Variants in MYO1E observed in about 807,000 individuals in gnomAD.
MYO1E encodes unconventional myosin-Ie.
MYO1E carries 68 observed loss-of-function variants against 151.1 expected under a neutral mutation model. That is an observed-to-expected ratio of 0.45 (90% CI 0.37 to 0.55). MYO1E has a LOEUF of 0.55. MYO1E is among the 20% of genes least tolerant of loss of function. MYO1E has a pLI of 0.00. For synonymous variants in MYO1E, 601 were observed against 501.7 expected (o/e 1.20, Z -2.64); for missense variants, 1,363 against 1,389.3 (o/e 0.98, Z 0.30).
intron 14 of MYO1E, 91 bp downstream of exon 14, chr15:59,208,590 A>G (rs1346328366): frequency 5.9e-5 from 87 of 1,471,178 alleles, no homozygotes; most frequent in Non-Finnish European, 8.0e-5. Flanking sequence ...TCAATAAAAT[A>G]CGGCGAGCCA....
At chr15:59,152,744 G>A (rs1454159725) in intron 26 of MYO1E, among the ~76,000 whole-genome samples, 7 of 152,162 alleles carry the variant, frequency 4.6e-5, no homozygotes, top group Non-Finnish European at 7.4e-5. Context: ...CAAACAGCAG[G>A]TCCAGTGTTA....
rs76816978 is a variant in MYO1E, at chr15:59,159,374, G to A, written c.2786-995C>T. On this transcript the variant is annotated intron_variant, in intron 24 of 27. Transcript: ENST00000288235. The surrounding 1 kb of genome is among the most constrained non-coding windows in gnomAD (Gnocchi z 4.4). Reference sequence around the variant, plus strand: ...GGTTATTTGCAGCCTTTCTTTGCCCGGCTCTGTGCCCTGGGGTCTGAGTCC... The same window carrying A: ...GGTTATTTGCAGCCTTTCTTTGCCCAGCTCTGTGCCCTGGGGTCTGAGTCC... 1.5e-3 allele frequency among the ~76,000 whole-genome samples: 232 copies of A among 152,334 alleles called. 4 individuals are homozygous for A. In the East Asian group the frequency reaches 0.033, roughly 22 times the overall value.
At chr15:59,297,979 C>T (rs2414632) in intron 1 of MYO1E, among the ~76,000 whole-genome samples, 152,009 of 152,364 alleles carry the variant, frequency 1, 75,829 homozygotes, top group Middle Eastern at 1. Context: ...ATTCATCTTT[C>T]ACATTTTTGA....
At chr15:59,318,812 T>C (rs1320139749) in intron 1 of MYO1E, among the ~76,000 whole-genome samples, 1 of 152,184 alleles carries the variant, frequency 6.6e-6, no homozygotes. Flanking sequence ...ATTTTAAAGA[T>C]GAGGAAAATG....
At chr15:59,174,767 C>G (rs1425000531) in intron 19 of MYO1E, among the ~76,000 whole-genome samples, 8 of 152,056 alleles carry the variant, frequency 5.3e-5, no homozygotes. Flanking sequence ...TCAGGATTCA[C>G]CAATCTCAGG....
At chr15:59,311,284 C>T (rs543802083) in intron 1 of MYO1E, among the ~76,000 whole-genome samples, 1 of 152,214 alleles carries the variant, frequency 6.6e-6, no homozygotes, top group Admixed American at 6.5e-5. Flanking sequence ...CACCTCACAT[C>T]ATCAGGCATT....
At chr15:59,314,002 C>A (rs2140412593) in intron 1 of MYO1E, among the ~76,000 whole-genome samples, 1 of 152,380 alleles carries the variant, frequency 6.6e-6, no homozygotes, top group East Asian at 1.9e-4. Context: ...ACCTGCTCTG[C>A]AAACACAAGT....
At position 59,217,957 on chromosome 15, in the gene MYO1E, C is replaced by T; in HGVS notation, c.1041G>A (p.Gln347=). 1.2e-6 allele frequency: 2 copies of T among 1,614,234 alleles called. No individual in the cohort carries two copies. Among genetic ancestry groups the T allele is most frequent in the East Asian group, 4.5e-5 (2 of 44,888 alleles). ...CGAGCGCATCCCGGGTGTAACAGGC[C>T]TGCTCTACGTTGAGGGTCACGTGGA... is the stretch of plus-strand genomic sequence containing the variant. ...ESIHVTLNVE[Q]ACYTRDALAK... is the part of the protein sequence containing the mutation. Residue 347 remains glutamine, a synonymous_variant, in exon 10 of 28, where the codon CAG becomes CAA. Coordinates refer to ENST00000288235, the MANE Select transcript of MYO1E (RefSeq NM_004998.4).
At chr15:59,305,320 A>G (rs111806483) in intron 1 of MYO1E, among the ~76,000 whole-genome samples, 3,062 of 152,154 alleles carry the variant, frequency 0.02, 104 homozygotes, top group African/African-American at 0.067. Flanking sequence ...CGGCCTTCTG[A>G]GTAGTTGGGA....
At chr15:59,347,031 G>T (rs1157851397) in intron 1 of MYO1E, among the ~76,000 whole-genome samples, 1 of 152,186 alleles carries the variant, frequency 6.6e-6, no homozygotes, top group Non-Finnish European at 1.5e-5. Context: ...TGGGTATAAG[G>T]CATCAGTTAC....
chr15:59,276,421 G>A (rs777905057), intron 1 of MYO1E, among the ~76,000 whole-genome samples: 1 of 152,170 alleles, frequency 6.6e-6, no homozygotes, highest in Non-Finnish European at 1.5e-5. Context: ...AAAGGGAGGA[G>A]GGCAGTGGCG....
At chr15:59,207,833 C>G in intron 14 of MYO1E, 1 of 1,614,194 alleles carries the variant, frequency 6.2e-7, no homozygotes, top group Non-Finnish European at 8.5e-7. Flanking sequence ...GGTTATACTT[C>G]TTGGGCCATT....
intron 18 of MYO1E, among the ~76,000 whole-genome samples, chr15:59,180,737 G>A (rs374770743): frequency 1.3e-5 from 2 of 152,002 alleles, no homozygotes; most frequent in African/African-American, 4.8e-5. Flanking sequence ...AACAACACAT[G>A]TTCTCCTACC....
chr15:59,313,394 T>C (rs78609087), intron 1 of MYO1E, among the ~76,000 whole-genome samples: 1,974 of 152,212 alleles, frequency 0.013, 41 homozygotes, highest in African/African-American at 0.045. Context: ...TCTGATGTCA[T>C]GGTTCTATGG....
intron 1 of MYO1E, among the ~76,000 whole-genome samples, chr15:59,284,330 C>A (rs1275166683): frequency 6.6e-6 from 1 of 152,214 alleles, no homozygotes; most frequent in Non-Finnish European, 1.5e-5. Flanking sequence ...CTATTTGCCC[C>A]CAACTCAGGA....
At chr15:59,221,844 A>G (rs189228920) in intron 9 of MYO1E, among the ~76,000 whole-genome samples, 26 of 152,354 alleles carry the variant, frequency 1.7e-4, no homozygotes, top group Non-Finnish European at 3.2e-4. Flanking sequence ...TTATTTTACT[A>G]TCCAAGAAGG....
chr15:59,172,017 G>A lies in MYO1E; in HGVS notation c.2360C>T (p.Thr787Ile), dbSNP rs200403204. Residue 787 changes from threonine (T) to isoleucine (I), a missense_variant, in exon 22 of 28, where the codon ACC (threonine) becomes ATC (isoleucine). By Grantham distance (89) the Thr-to-Ile change is moderately conservative (BLOSUM62 -1). Transcript: ENST00000288235. ...TCCGATTAAGTACAAGCACTTTGGGGTAAGGAGCAGGTCTCGCTTTACACC... is the reference window on the plus strand; with the variant it reads ...TCCGATTAAGTACAAGCACTTTGGGATAAGGAGCAGGTCTCGCTTTACACC... ...FKGVKRDLLL[T>I]PKCLYLIGRE... is the part of the protein sequence containing the mutation. The A allele has an allele frequency of 1.2e-6, 2 of 1,614,194 alleles. No homozygotes were observed. The highest frequency in any genetic ancestry group is 2.2e-5 in the East Asian group (1 of 44,884).
chr15:59,198,845 C>G (rs2079784163), intron 16 of MYO1E, among the ~76,000 whole-genome samples: 1 of 149,458 alleles, frequency 6.7e-6, no homozygotes, highest in Non-Finnish European at 1.5e-5. Flanking sequence ...AAAAAACAAA[C>G]CAAAAAAACC....
intron 26 of MYO1E, among the ~76,000 whole-genome samples, chr15:59,150,538 C>T (rs1178869241): frequency 6.6e-6 from 1 of 152,202 alleles, no homozygotes; most frequent in Non-Finnish European, 1.5e-5. Context: ...AGATTTGGTG[C>T]ATTCTGTTGA....
Sources: gnomAD v4.1 joint callset for allele counts (sites outside exome capture counted in the v4.1 genomes callset) on GRCh38, gnomAD v4.1.1 for gene constraint, Gnocchi (gnomAD v3.1) non-coding constraint, MANE v1.5 for transcripts, NCBI Gene and HGNC (gene_info 2026-07-23, HGNC 2026-07-21) for gene names.